FARS2: variants seen among roughly 807,000 people sequenced by gnomAD.
The protein encoded by FARS2 is phenylalanyl-tRNA synthetase 2, mitochondrial.
Under a neutral mutation model 46.4 loss-of-function variants are expected in FARS2, and 40 were observed. The ratio of observed to expected loss-of-function variants is 0.86; its 90% CI spans 0.67 to 1.12. The LOEUF (loss-of-function observed/expected upper bound fraction) is 1.12, where lower values mean the gene tolerates loss of function less well. Ranked by LOEUF, FARS2 falls within the 50% of genes most tolerant of loss-of-function variation. The probability of loss-of-function intolerance (pLI) is 0.00; values close to 1 mark genes in which losing one functional copy is unlikely to be tolerated. For missense variants in FARS2, 513 were observed against 567.9 expected, an observed-to-expected ratio of 0.90 and a Z score of 0.98; for synonymous variants, 234 against 214.9, an observed-to-expected ratio of 1.09 and a Z score of -0.78.
At chr6:5,677,598 G>A (rs1247236843) in intron 6 of FARS2, among the ~76,000 whole-genome samples, 1 of 152,222 alleles carries the variant, frequency 6.6e-6, no homozygotes, top group African/African-American at 2.4e-5. Flanking sequence ...GTGATGCTTT[G>A]GGAAATTATC....
chr6:5,291,768 GA>G (rs1293219748), intron 1 of FARS2, among the ~76,000 whole-genome samples: 1 of 150,128 alleles, frequency 6.7e-6, no homozygotes, highest in Non-Finnish European at 1.5e-5. Flanking sequence ...AAAAAAAAAA[GA>G]AAAAGAATTA....
rs570019976 is a variant in FARS2, at chr6:5,364,452, A to T, written c.-21-4098A>T. Among the ~76,000 whole-genome samples, 3 of 152,306 alleles carry T rather than the reference A, an allele frequency of 2.0e-5. No homozygotes were observed. In the South Asian group the frequency reaches 6.2e-4, roughly 32 times the overall value. ...TTGTTTCTTTTGTACCAGTGCTAAC[A>T]TACTTCACGTCCACATTTGTATTCT... On this transcript the variant is annotated intron_variant, in intron 1 of 6. Transcript: ENST00000274680.
chr6:5,257,920 T>A (rs1341419663), upstream of FARS2, among the ~76,000 whole-genome samples: 1 of 152,166 alleles, frequency 6.6e-6, no homozygotes, highest in Non-Finnish European at 1.5e-5. Context: ...CACACAGCAA[T>A]GAGACCTGTT....
At chr6:5,400,523 T>C (rs553243966) in intron 2 of FARS2, among the ~76,000 whole-genome samples, 1 of 152,146 alleles carries the variant, frequency 6.6e-6, no homozygotes, top group African/African-American at 2.4e-5. Flanking sequence ...AATATACTTA[T>C]TTCTTTGTGA....
intron 5 of FARS2, among the ~76,000 whole-genome samples, chr6:5,590,185 G>A (rs182003055): frequency 6.6e-6 from 1 of 152,322 alleles, no homozygotes; most frequent in African/African-American, 2.4e-5. Flanking sequence ...CTCAGTGCAG[G>A]CAAATGTGAT....
intron 2 of FARS2, among the ~76,000 whole-genome samples, chr6:5,374,560 A>G (rs879800476): frequency 3.3e-5 from 5 of 152,132 alleles, no homozygotes; most frequent in Admixed American, 6.6e-5. Flanking sequence ...AATCTGTTTC[A>G]GAACATAGAA....
At chr6:5,543,410 G>A (rs1343861115) in intron 4 of FARS2, among the ~76,000 whole-genome samples, 1 of 146,632 alleles carries the variant, frequency 6.8e-6, no homozygotes, top group Non-Finnish European at 1.5e-5. Context: ...TGTGGACCAA[G>A]CTGGAGTGCC....
At chr6:5,379,890 A>G (rs954233883) in intron 2 of FARS2, among the ~76,000 whole-genome samples, 11 of 152,156 alleles carry the variant, frequency 7.2e-5, no homozygotes, top group African/African-American at 2.7e-4. Context: ...AAAGGAAAAT[A>G]TTTCAAGGAC....
intron 6 of FARS2, among the ~76,000 whole-genome samples, chr6:5,724,140 A>G (rs1212458985): frequency 2.6e-5 from 4 of 152,080 alleles, no homozygotes; most frequent in African/African-American, 4.8e-5. Flanking sequence ...GGGGCTTAGA[A>G]TCTGCGCCAT....
At chr6:5,667,860 A>T (rs1358426109) in intron 6 of FARS2, among the ~76,000 whole-genome samples, 1 of 152,362 alleles carries the variant, frequency 6.6e-6, no homozygotes, top group Non-Finnish European at 1.5e-5. Flanking sequence ...TGAAAAAGAC[A>T]GGTGCTATTT....
chr6:5,640,333 C>A (rs777285727), intron 6 of FARS2, among the ~76,000 whole-genome samples: 1 of 152,154 alleles, frequency 6.6e-6, no homozygotes, highest in Non-Finnish European at 1.5e-5. Flanking sequence ...GGCCATTAAG[C>A]AGTCATGGCA....
chr6:5,692,584 T>C (rs1179279946), intron 6 of FARS2, among the ~76,000 whole-genome samples: 2 of 152,192 alleles, frequency 1.3e-5, no homozygotes, highest in African/African-American at 4.8e-5. Context: ...GGAAAATAGA[T>C]AGGCAAAAGC....
chr6:5,276,290 T>C (rs1766328289), intron 1 of FARS2, among the ~76,000 whole-genome samples: 1 of 152,242 alleles, frequency 6.6e-6, no homozygotes, highest in African/African-American at 2.4e-5. Context: ...AAAACTTGAC[T>C]AAGATTTTGT....
At chr6:5,377,766 GGATGATTTCCTTGCCACTTTCCT>G (rs1289093432) in intron 2 of FARS2, among the ~76,000 whole-genome samples, 41 of 152,188 alleles carry the variant, frequency 2.7e-4, no homozygotes, top group Non-Finnish European at 3.8e-4. Context: ...CTCTGTTCTA[GGATGATTTCCTTGCCACTTTCCT>G]GAGTGTTAAA....
At chr6:5,404,435 AC>A in intron 2 of FARS2, 106 bp from the exon 3 acceptor site, 1 of 657,562 alleles carries the variant, frequency 1.5e-6, no homozygotes, top group Non-Finnish European at 2.5e-6. Flanking sequence ...TCTTATTCCC[AC>A]ATTATAACTT....
intron 1 of FARS2, among the ~76,000 whole-genome samples, chr6:5,354,390 A>G (rs966867227): frequency 7.9e-5 from 12 of 152,286 alleles, no homozygotes; most frequent in African/African-American, 2.6e-4. Flanking sequence ...CTAAAAATCT[A>G]TGATTGCACA....
intron 6 of FARS2, among the ~76,000 whole-genome samples, chr6:5,699,443 T>G (rs1758287631): frequency 6.6e-6 from 1 of 152,044 alleles, no homozygotes; most frequent in Non-Finnish European, 1.5e-5. Flanking sequence ...CTTGCTAAAA[T>G]GCAGCCTCTC....
At chr6:5,549,001 T>C (rs1561705372) in intron 5 of FARS2, among the ~76,000 whole-genome samples, 1 of 152,228 alleles carries the variant, frequency 6.6e-6, no homozygotes, top group Non-Finnish European at 1.5e-5. Flanking sequence ...GTTAGTTTCC[T>C]GTTGCTTAGG....
At chr6:5,585,540 G>T (rs1342515537) in intron 5 of FARS2, among the ~76,000 whole-genome samples, 1 of 151,324 alleles carries the variant, frequency 6.6e-6, no homozygotes, top group East Asian at 1.9e-4. Context: ...ACTTTTTAAA[G>T]ATTTCTCATG....
Sources: gnomAD v4.1 joint callset for allele counts (sites outside exome capture counted in the v4.1 genomes callset) on GRCh38, gnomAD v4.1.1 for gene constraint, MANE v1.5 for transcripts, NCBI Gene and HGNC (gene_info 2026-07-23, HGNC 2026-07-21) for gene names.